TRAIP: variants seen among roughly 807,000 people sequenced by gnomAD.
TRAIP encodes E3 ubiquitin-protein ligase TRAIP.
Under a neutral mutation model 65.0 loss-of-function variants are expected in TRAIP, and 37 were observed. The observed-to-expected ratio is 0.57, with a 90% CI of 0.44 to 0.75. TRAIP has a LOEUF of 0.75. Ranked by LOEUF, TRAIP falls within the 30% of genes least tolerant of loss-of-function variation. The pLI is 0.00. For missense variants in TRAIP, 481 were observed against 579.4 expected (o/e 0.83, Z 1.74); for synonymous variants, 187 against 219.1 (o/e 0.85, Z 1.29).
chr3:49,832,431 G>A (rs892951612), intron 10 of TRAIP, among the ~76,000 whole-genome samples: 6 of 151,180 alleles, frequency 4.0e-5, no homozygotes, highest in East Asian at 3.9e-4. Flanking sequence ...CAGAGCTTGC[G>A]GTGAGCCGAG....
At chr3:49,843,242 C>T (rs1242207192) in intron 5 of TRAIP, 1 of 154,292 alleles carries the variant, frequency 6.5e-6, no homozygotes, top group African/African-American at 2.4e-5. Context: ...GGGTTCAGAT[C>T]AATCGCCTCT....
At chr3:49,839,894 G>T in intron 9 of TRAIP, 34 bp from the exon 10 acceptor site, 1 of 1,601,112 alleles carries the variant, frequency 6.2e-7, no homozygotes, top group Non-Finnish European at 8.6e-7. Context: ...GTGAGAGAAA[G>T]GCTGAGGCAT....
chr3:49,847,705 A>G (rs1271508662), intron 2 of TRAIP, 97 bp from the exon 3 acceptor site: 2 of 778,996 alleles, frequency 2.6e-6, no homozygotes, highest in Admixed American at 5.0e-5. Flanking sequence ...CCTGACATGC[A>G]TGTCAGGCCT....
chr3:49,846,881 T>A (rs760738216), intron 3 of TRAIP, among the ~76,000 whole-genome samples: 173 of 151,622 alleles, frequency 1.1e-3, no homozygotes, highest in Non-Finnish European at 1.9e-3. Flanking sequence ...TCTATAAAAA[T>A]TTTTTTTTAT....
rs781322067 is a variant in TRAIP at position 49,841,034 on chromosome 3, CCT to C, written c.654_655del (p.Glu220GlyfsTer3). On this transcript the variant is annotated frameshift_variant, in exon 8 of 15. Transcript: ENST00000331456. LOFTEE classifies it high-confidence loss of function. ...CTTCCTCAGCTTGTCAGCCACCTCC[CCT>C]GAGGCCTTCCGTGCCTCTTTTAGAT... The C allele has an allele frequency of 4.3e-6, 7 of 1,614,216 alleles. No homozygotes were observed. Among genetic ancestry groups the C allele is most frequent in the Admixed American group, 1.7e-5 (1 of 60,018 alleles).
intron 1 of TRAIP, among the ~76,000 whole-genome samples, chr3:49,854,881 A>AC (rs1280827280): frequency 6.7e-6 from 1 of 150,218 alleles, no homozygotes; most frequent in African/African-American, 2.5e-5. Context: ...ACATAGCAAG[A>AC]CCCCATCTCT....
intron 2 of TRAIP, 27 bp from the exon 3 acceptor site, chr3:49,847,635 T>C (rs1030547117): frequency 1.0e-5 from 16 of 1,550,892 alleles, no homozygotes; most frequent in Non-Finnish European, 1.4e-5. Flanking sequence ...GGTAAGAGTA[T>C]GATTGTGTAG....
intron 10 of TRAIP, among the ~76,000 whole-genome samples, chr3:49,835,687 C>T (rs1462909375): frequency 2.6e-5 from 4 of 151,980 alleles, no homozygotes; most frequent in Non-Finnish European, 5.9e-5. Context: ...CACCTGTAAT[C>T]CCAGCACTTT....
Position 49,831,975 on chromosome 3 carries a change from TG to T in TRAIP, c.977del (p.Pro326GlnfsTer17). The T allele has an allele frequency of 6.2e-7, 1 of 1,607,130 alleles. No homozygotes were observed. The highest frequency in any genetic ancestry group is 8.5e-7 in the Non-Finnish European group (1 of 1,176,842). On this transcript the variant is annotated frameshift_variant, in exon 11 of 15. Coordinates refer to ENST00000331456, the MANE Select transcript of TRAIP (RefSeq NM_005879.3). LOFTEE classifies it high-confidence loss of function. ...CATGCTGGGAGCTGGAGGGCCGGGC[TG>T]GGGGAGTATCCACATCAAAGGTAGC... ...LNATFDVDTP[P>X]ARPSSSQHGY...
chr3:49,843,866 T>C lies in TRAIP; in HGVS notation c.343A>G (p.Asn115Asp). ...TGCTGCAGAGATACCACAGTAGCAT[T>C]GCGTTCTTCCAGCGTATCCCGCAGA... ...DTLRDTLEER[N>D]ATVVSLQQAL... The change falls in exon 5 of 15, where the codon AAT becomes GAT. Residue 115 changes from asparagine to aspartate, a missense_variant. Coordinates refer to ENST00000331456, the MANE Select transcript of TRAIP (RefSeq NM_005879.3). 4 of 1,613,912 alleles carry C rather than the reference T, an allele frequency of 2.5e-6. No individual in the cohort carries two copies. Among genetic ancestry groups the C allele is most frequent in the Non-Finnish European group, 3.4e-6 (4 of 1,179,782 alleles).
At chr3:49,847,432 GA>G in intron 3 of TRAIP, 92 bp downstream of exon 3, 1 of 797,234 alleles carries the variant, frequency 1.3e-6, no homozygotes, top group Non-Finnish European at 2.1e-6. Context: ...GAGAAGAGAA[GA>G]GAAGAGAAGA....
Position 49,829,666 on chromosome 3 carries a change from T to C in TRAIP, c.1187A>G (p.Gln396Arg). 6.2e-7 allele frequency: 1 copy of C among 1,614,208 alleles called. No homozygotes were observed. Among genetic ancestry groups the C allele is most frequent in the Non-Finnish European group, 8.5e-7 (1 of 1,180,034 alleles). ...PIFVRNAILG[Q>R]KQPKRPRSES... ...TGACCTGGGCCTCTTGGGCTGTTTC[T>C]GGCCTAGGATGGCATTCCGGACAAA... is the stretch of plus-strand genomic sequence containing the variant. Residue 396 changes from glutamine to arginine, a missense_variant, in exon 13 of 15, where the codon CAG (glutamine) becomes CGG (arginine). Coordinates refer to ENST00000331456, the MANE Select transcript of TRAIP (RefSeq NM_005879.3).
At chr3:49,829,913 G>GT in intron 12 of TRAIP, 107 bp downstream of exon 12, 1 of 1,581,314 alleles carries the variant, frequency 6.3e-7, no homozygotes, top group Non-Finnish European at 8.7e-7. Context: ...TGGCTCCGAA[G>GT]TACCTCAGTC....
chr3:49,848,286 T>A, intron 1 of TRAIP, 86 bp from the exon 2 acceptor site: 1 of 1,422,656 alleles, frequency 7.0e-7, no homozygotes, highest in Non-Finnish European at 9.8e-7. Flanking sequence ...CACGAAAGGG[T>A]CTGTTCTGCT....
rs553182541 is a variant in TRAIP, at chr3:49,856,209, T to C, written c.98+147A>G. ...CTGTCCTGACCCACTTCTGCCCAGGTTGGGAAGCTCCCGTGGGGCCTCGTC... is the reference window on the plus strand; with the variant it reads ...CTGTCCTGACCCACTTCTGCCCAGGCTGGGAAGCTCCCGTGGGGCCTCGTC... On this transcript the variant is annotated intron_variant, in intron 1 of 14. Transcript: ENST00000331456. 2.1e-4 allele frequency: 142 copies of C among 672,972 alleles called. 1 individual carries two copies. In the South Asian group the frequency reaches 2.6e-3, roughly 12 times the overall value. The allele number at this position is 672,972 out of a possible 1,614,324, so 41.7% of individuals were successfully genotyped here.
intron 10 of TRAIP, among the ~76,000 whole-genome samples, chr3:49,836,954 T>A (rs970932584): frequency 4.1e-5 from 2 of 48,642 alleles, no homozygotes; most frequent in Non-Finnish European, 9.8e-5. Flanking sequence ...TGACATGACT[T>A]TTTTTTTTTT....
chr3:49,829,195 C>G lies in TRAIP; in HGVS notation c.1318G>C (p.Val440Leu). 6.2e-7 allele frequency: 1 copy of G among 1,614,212 alleles called. No individual in the cohort carries two copies. Among genetic ancestry groups the G allele is most frequent in the Non-Finnish European group, 8.5e-7 (1 of 1,180,052 alleles). The change falls in exon 15 of 15, where the codon GTT becomes CTT. Residue 440 changes from valine to leucine, a missense_variant. Coordinates refer to ENST00000331456, the MANE Select transcript of TRAIP (RefSeq NM_005879.3). Reference protein sequence around the residue: ...TDTVMIRPLPVKPKTKVKQRV... With the variant: ...TDTVMIRPLPLKPKTKVKQRV... Reference sequence around the variant, plus strand: ...TGCTTAACCTTGGTCTTGGGCTTAACAGGCAATGGGCGGATCATGACTGTG... The same window carrying G: ...TGCTTAACCTTGGTCTTGGGCTTAAGAGGCAATGGGCGGATCATGACTGTG...
intron 1 of TRAIP, among the ~76,000 whole-genome samples, chr3:49,848,502 A>G (rs1464811041): frequency 6.6e-6 from 1 of 152,212 alleles, no homozygotes; most frequent in Non-Finnish European, 1.5e-5. Flanking sequence ...AGGGGCCCTC[A>G]GAGATGAGGA....
intron 4 of TRAIP, 117 bp from the exon 5 acceptor site, chr3:49,844,045 G>T (rs2081862824): frequency 7.1e-7 from 1 of 1,407,462 alleles, no homozygotes; most frequent in Non-Finnish European, 9.6e-7. Context: ...CAAGGCTCAG[G>T]CCTGAAAGCT....
Sources: gnomAD v4.1 joint callset for allele counts (sites outside exome capture counted in the v4.1 genomes callset) on GRCh38, gnomAD v4.1.1 for gene constraint, MANE v1.5 for transcripts, NCBI Gene and HGNC (gene_info 2026-07-23, HGNC 2026-07-21) for gene names.